PRKN: variants seen among roughly 807,000 people sequenced by gnomAD.
PRKN encodes parkin RBR E3 ubiquitin protein ligase.
A neutral mutation model predicts 59.5 loss-of-function variants in PRKN; 56 were observed. The ratio of observed to expected loss-of-function variants is 0.94; its 90% CI spans 0.76 to 1.18. The LOEUF (loss-of-function observed/expected upper bound fraction) is 1.18. Among genes scored for constraint, PRKN ranks in the 50% most tolerant of loss-of-function variants. The probability of loss-of-function intolerance (pLI) is 0.00; values close to 1 mark genes in which losing one functional copy is unlikely to be tolerated. For synonymous variants in PRKN, 250 were observed against 222.1 expected (o/e 1.13, Z -1.12); for missense variants, 657 against 596.4 (o/e 1.10, Z -1.06).
intron 1 of PRKN, among the ~76,000 whole-genome samples, chr6:162,651,532 C>A (rs1335557540): frequency 6.6e-6 from 1 of 152,156 alleles, no homozygotes; most frequent in African/African-American, 2.4e-5. Context: ...CCTGAAACAA[C>A]CTCCTCCGTA....
intron 5 of PRKN, among the ~76,000 whole-genome samples, chr6:162,008,866 A>G (rs901111584): frequency 6.6e-6 from 1 of 152,096 alleles, no homozygotes; most frequent in Non-Finnish European, 1.5e-5. Context: ...AGAAAAATTT[A>G]ACAGTCTTTG....
At chr6:162,279,431 A>G (rs1398617110) in intron 2 of PRKN, among the ~76,000 whole-genome samples, 5 of 151,996 alleles carry the variant, frequency 3.3e-5, no homozygotes, top group South Asian at 2.1e-4. Context: ...GAAAGAAAGA[A>G]AAAGAAAGAA....
At chr6:162,149,486 C>G (rs559222422) in intron 4 of PRKN, among the ~76,000 whole-genome samples, 1 of 152,054 alleles carries the variant, frequency 6.6e-6, no homozygotes, top group Non-Finnish European at 1.5e-5. Context: ...TCAAATGATC[C>G]GCCTCTTCCA....
chr6:161,679,810 A>C (rs1785245038), intron 7 of PRKN, among the ~76,000 whole-genome samples: 1 of 118,766 alleles, frequency 8.4e-6, no homozygotes, highest in African/African-American at 3.3e-5. Flanking sequence ...GCTGGAGTGC[A>C]GTGGCACGAT....
chr6:162,524,654 T>C (rs1055026448), intron 1 of PRKN, among the ~76,000 whole-genome samples: 4 of 152,196 alleles, frequency 2.6e-5, no homozygotes, highest in African/African-American at 9.6e-5. Flanking sequence ...ACAATTCATT[T>C]ACCAGCACCT....
chr6:161,668,282 C>T (rs1784793000), intron 7 of PRKN, among the ~76,000 whole-genome samples: 1 of 143,352 alleles, frequency 7.0e-6, no homozygotes, highest in Admixed American at 7.3e-5. Flanking sequence ...AAAAAAAAGG[C>T]TTCAGTACAA....
At chr6:162,083,714 C>CATT (rs1562502671) in intron 4 of PRKN, among the ~76,000 whole-genome samples, 1 of 151,796 alleles carries the variant, frequency 6.6e-6, no homozygotes, top group Non-Finnish European at 1.5e-5. Context: ...ATCCACTTAT[C>CATT]AATTACACAG....
At chr6:161,382,623 C>T (rs1786046868) in intron 10 of PRKN, among the ~76,000 whole-genome samples, 1 of 152,132 alleles carries the variant, frequency 6.6e-6, no homozygotes, top group Non-Finnish European at 1.5e-5. Flanking sequence ...GGGAGGAGAA[C>T]AAGCAGGGAA....
chr6:161,915,466 T>C (rs940483663), intron 6 of PRKN, among the ~76,000 whole-genome samples: 2 of 152,158 alleles, frequency 1.3e-5, no homozygotes, highest in Non-Finnish European at 2.9e-5. Context: ...AAATCCAAAA[T>C]AGAGTTTTAA....
intron 9 of PRKN, among the ~76,000 whole-genome samples, chr6:161,387,336 C>T (rs367761689): frequency 6.6e-5 from 10 of 152,236 alleles, no homozygotes; most frequent in African/African-American, 7.2e-5. Context: ...CTTCCCCCTT[C>T]GCTCAGCTCT....
At chr6:162,367,316 G>T (rs1170553220) in intron 2 of PRKN, among the ~76,000 whole-genome samples, 1 of 152,050 alleles carries the variant, frequency 6.6e-6, no homozygotes, top group Non-Finnish European at 1.5e-5. Context: ...ACACAGTTTT[G>T]GGCAGTCCTT....
chr6:162,257,244 G>A (rs1779673466), intron 3 of PRKN, among the ~76,000 whole-genome samples: 1 of 152,180 alleles, frequency 6.6e-6, no homozygotes, highest in Non-Finnish European at 1.5e-5. Context: ...GCCGGGGTCA[G>A]TGGATTACCT....
chr6:161,629,064 G>A (rs1472479191), intron 7 of PRKN, among the ~76,000 whole-genome samples: 1 of 152,202 alleles, frequency 6.6e-6, no homozygotes, highest in Non-Finnish European at 1.5e-5. Context: ...AGGAAAACCA[G>A]CACCGAGGAA....
chr6:161,424,192 C>G (rs1420443186), intron 9 of PRKN, among the ~76,000 whole-genome samples: 1 of 152,004 alleles, frequency 6.6e-6, no homozygotes, highest in Non-Finnish European at 1.5e-5. Context: ...CAAAAATTAG[C>G]TAGGCATGAT....
chr6:161,520,097 A>G (rs565044322), intron 9 of PRKN, among the ~76,000 whole-genome samples: 11 of 152,292 alleles, frequency 7.2e-5, no homozygotes, highest in Admixed American at 5.9e-4. Context: ...TGCTGTAGGC[A>G]GGTGCACAGT....
intron 1 of PRKN, among the ~76,000 whole-genome samples, chr6:162,637,986 A>G (rs1777796707): frequency 6.6e-6 from 1 of 152,172 alleles, no homozygotes; most frequent in Non-Finnish European, 1.5e-5. Context: ...AAAGCCCTCA[A>G]CTGTCAATCC....
intron 1 of PRKN, among the ~76,000 whole-genome samples, chr6:162,631,689 T>C (rs1332072173): frequency 6.6e-6 from 1 of 152,120 alleles, no homozygotes; most frequent in Admixed American, 6.6e-5. Context: ...AGCTCAGTAG[T>C]TTAATTCAGT....
Position 161,540,476 on chromosome 6 carries a change from T to C in PRKN, c.1083+8378A>G, listed in dbSNP as rs1028509092. On this transcript the variant is annotated intron_variant, in intron 9 of 11. Transcript: ENST00000366898. ...AAGATTTTACTGTAAAAATAAATTGTAGTCTCAAAAATACATTTGAGGCAA... is the reference window on the plus strand; with the variant it reads ...AAGATTTTACTGTAAAAATAAATTGCAGTCTCAAAAATACATTTGAGGCAA... Among the ~76,000 whole-genome samples, 7 of 152,330 alleles carry C rather than the reference T, an allele frequency of 4.6e-5. No individual in the cohort carries two copies. In the East Asian group the frequency reaches 1.3e-3, roughly 29 times the overall value.
chr6:162,083,101 C>T (rs899305761), intron 4 of PRKN, among the ~76,000 whole-genome samples: 7 of 151,940 alleles, frequency 4.6e-5, no homozygotes, highest in Non-Finnish European at 1.0e-4. Flanking sequence ...ATTACAGGTG[C>T]CTGCCAACAC....
Sources: allele counts gnomAD v4.1 joint callset (sites outside exome capture counted in the v4.1 genomes callset), GRCh38; gene constraint gnomAD v4.1.1; transcripts MANE v1.5; gene names NCBI Gene and HGNC (gene_info 2026-07-23, HGNC 2026-07-21).